Variants in TMEM178A observed in about 807,000 individuals in gnomAD.
The protein encoded by TMEM178A is transmembrane protein 178A, also known as transmembrane protein 178.
TMEM178A carries 12 observed loss-of-function variants against 29.1 expected under a neutral mutation model. That is an observed-to-expected ratio of 0.41 (90% CI 0.26 to 0.67). The LOEUF is 0.67. TMEM178A is among the 30% of genes least tolerant of loss of function. TMEM178A has a pLI of 0.29. For missense variants in TMEM178A, 366 were observed against 419.1 expected (o/e 0.87, Z 1.11); for synonymous variants, 210 against 187.2 (o/e 1.12, Z -0.99).
At chr2:39,729,630 G>A in the TMEM178A span, among the ~76,000 whole-genome samples, 3 of 152,054 alleles carry the variant, frequency 2.0e-5, no homozygotes, top group Non-Finnish European at 4.4e-5. Flanking sequence ...TTCTGACAAG[G>A]GTAACACATC....
At chr2:39,700,068 G>T (rs1671714592) in intron 1 of TMEM178A, among the ~76,000 whole-genome samples, 1 of 151,994 alleles carries the variant, frequency 6.6e-6, no homozygotes. Context: ...GCTTACATAT[G>T]GTCTATCCTA....
chr2:39,719,240 C>G (rs778156107), downstream of TMEM178A, among the ~76,000 whole-genome samples: 1 of 152,184 alleles, frequency 6.6e-6, no homozygotes, highest in Non-Finnish European at 1.5e-5. Flanking sequence ...CTTTAAAGAT[C>G]CCCATAGAAG....
chr2:39,714,165 C>G (rs58462460), intron 3 of TMEM178A, among the ~76,000 whole-genome samples: 3 of 151,992 alleles, frequency 2.0e-5, no homozygotes, highest in South Asian at 2.1e-4. Context: ...AGAACAACTT[C>G]GAGAGCACTT....
intron 1 of TMEM178A, among the ~76,000 whole-genome samples, chr2:39,689,965 C>T (rs1023210905): frequency 1.3e-5 from 2 of 152,316 alleles, no homozygotes; most frequent in Middle Eastern, 6.8e-3. Flanking sequence ...AGAGAGACCA[C>T]CTTGGCCTGT....
chr2:39,682,117 A>G (rs1470796980), intron 1 of TMEM178A, among the ~76,000 whole-genome samples: 2 of 152,258 alleles, frequency 1.3e-5, no homozygotes, highest in Admixed American at 1.3e-4. Flanking sequence ...TACTTGGAGC[A>G]TCAGGAAGTA....
At chr2:39,667,332 T>G (rs911731703) in intron 1 of TMEM178A, among the ~76,000 whole-genome samples, 1 of 115,976 alleles carries the variant, frequency 8.6e-6, no homozygotes, top group African/African-American at 3.9e-5. Flanking sequence ...ATCAGATAGT[T>G]TGATTTTTTT....
At chr2:39,731,928 A>C in the TMEM178A span, among the ~76,000 whole-genome samples, 1 of 152,272 alleles carries the variant, frequency 6.6e-6, no homozygotes, top group Non-Finnish European at 1.5e-5. Context: ...ACATATTTAG[A>C]ACCTCCTACA....
At chr2:39,682,249 G>A (rs1438102344) in intron 1 of TMEM178A, among the ~76,000 whole-genome samples, 1 of 152,190 alleles carries the variant, frequency 6.6e-6, no homozygotes, top group Non-Finnish European at 1.5e-5. Flanking sequence ...GAAACAGAGA[G>A]CGCTAATTTT....
chr2:39,704,031 T>C, intron 1 of TMEM178A, 50 bp from the exon 2 acceptor site: 1 of 1,533,902 alleles, frequency 6.5e-7, no homozygotes, highest in South Asian at 1.1e-5. Context: ...GTCTCAGAAT[T>C]CTGTTACAAA....
intron 3 of TMEM178A, among the ~76,000 whole-genome samples, chr2:39,715,868 G>T (rs756517759): frequency 6.6e-6 from 1 of 152,268 alleles, no homozygotes; most frequent in South Asian, 2.1e-4. Flanking sequence ...AATCTCCAAA[G>T]CTATAGGTTA....
the TMEM178A span, among the ~76,000 whole-genome samples, chr2:39,723,882 C>T: frequency 3.3e-5 from 5 of 152,340 alleles, no homozygotes; most frequent in Non-Finnish European, 7.3e-5. Flanking sequence ...CTACTGTCAA[C>T]ATGTTATACA....
At chr2:39,667,269 A>G (rs1441261290) in intron 1 of TMEM178A, among the ~76,000 whole-genome samples, 1 of 150,048 alleles carries the variant, frequency 6.7e-6, no homozygotes, top group Non-Finnish European at 1.5e-5. Context: ...TGAGTTGCAG[A>G]GCATCAATTT....
the TMEM178A span, among the ~76,000 whole-genome samples, chr2:39,725,529 A>G: frequency 6.6e-6 from 1 of 152,160 alleles, no homozygotes; most frequent in Non-Finnish European, 1.5e-5. Flanking sequence ...GATTTGGTCA[A>G]TGCGGGGGAA....
chr2:39,699,536 A>G (rs1033674109), intron 1 of TMEM178A, among the ~76,000 whole-genome samples: 2 of 151,640 alleles, frequency 1.3e-5, no homozygotes, highest in Admixed American at 6.6e-5. Flanking sequence ...AGCTCACTGC[A>G]GCCTACATCT....
At chr2:39,680,355 C>T (rs912647552) in intron 1 of TMEM178A, among the ~76,000 whole-genome samples, 6 of 152,148 alleles carry the variant, frequency 3.9e-5, no homozygotes, top group Non-Finnish European at 5.9e-5. Flanking sequence ...GGGCCTTTTT[C>T]GGTTTTCAAA....
chr2:39,665,980 G>T lies in TMEM178A; in HGVS notation c.6G>T (p.Glu2Asp). The T allele has an allele frequency of 7.3e-7, 1 of 1,376,434 alleles. No homozygotes were observed. Among genetic ancestry groups the T allele is most frequent in the Non-Finnish European group, 9.4e-7 (1 of 1,066,226 alleles). 85.3% of individuals were successfully genotyped at this position (1,376,434 alleles called of 1,614,324 possible). ...CTGCGGCGGGGCGGGAAGCCATGGAGCCGCGGGCGCTCGTCACGGCGCTCA... is the reference window on the plus strand; with the variant it reads ...CTGCGGCGGGGCGGGAAGCCATGGATCCGCGGGCGCTCGTCACGGCGCTCA... M[E>D]PRALVTALSL... The change falls in exon 1 of 4, where the codon GAG (glutamate) becomes GAT (aspartate). Residue 2 changes from glutamate to aspartate, a missense_variant. By Grantham distance (45) the Glu-to-Asp change is conservative. Transcript: ENST00000281961.
At chr2:39,711,805 AGAG>A (rs1359642471) in intron 3 of TMEM178A, among the ~76,000 whole-genome samples, 2 of 152,184 alleles carry the variant, frequency 1.3e-5, no homozygotes, top group Non-Finnish European at 2.9e-5. Context: ...TTATTTTAGA[AGAG>A]TAACACGGTG....
chr2:39,685,150 C>T (rs1259621444), intron 1 of TMEM178A, among the ~76,000 whole-genome samples: 3 of 152,156 alleles, frequency 2.0e-5, no homozygotes, highest in African/African-American at 7.2e-5. Context: ...GAGAGCAAGT[C>T]TCAGCCCAGC....
At chr2:39,674,219 C>T (rs960444289) in intron 1 of TMEM178A, among the ~76,000 whole-genome samples, 5 of 151,958 alleles carry the variant, frequency 3.3e-5, no homozygotes, top group Non-Finnish European at 5.9e-5. Context: ...GATACTTGAA[C>T]GTGCATGTTT....
Sources: allele counts gnomAD v4.1 joint callset (sites outside exome capture counted in the v4.1 genomes callset), GRCh38; gene constraint gnomAD v4.1.1; transcripts MANE v1.5; gene names NCBI Gene and HGNC (gene_info 2026-07-23, HGNC 2026-07-21).